CDH2: variants seen among roughly 807,000 people sequenced by gnomAD.
CDH2 encodes cadherin-2.
Under a neutral mutation model 92.0 loss-of-function variants are expected in CDH2, and 17 were observed. The ratio of observed to expected loss-of-function variants is 0.18; its 90% CI spans 0.13 to 0.28. CDH2 has a LOEUF of 0.28. Among genes scored for constraint, CDH2 ranks in the 10% least tolerant of loss-of-function variants. CDH2 has a pLI of 1.00. For synonymous variants in CDH2, 419 were observed against 415.9 expected (o/e 1.01, Z -0.09); for missense variants, 862 against 1,133.1 (o/e 0.76, Z 3.44).
chr18:28,114,637 G>T (rs2015465907), intron 2 of CDH2, among the ~76,000 whole-genome samples: 1 of 152,070 alleles, frequency 6.6e-6, no homozygotes, highest in Non-Finnish European at 1.5e-5. Flanking sequence ...GTCAAAGGTG[G>T]TTTTTAATAA....
chr18:27,985,358 A>G (rs966860386), intron 12 of CDH2, 125 bp from the exon 13 acceptor site: 1 of 769,714 alleles, frequency 1.3e-6, no homozygotes, highest in Non-Finnish European at 2.1e-6. Context: ...ACTATGCTGC[A>G]TTCTAAATAC....
intron 2 of CDH2, among the ~76,000 whole-genome samples, chr18:28,098,293 G>GA (rs1473326675): frequency 6.6e-6 from 1 of 151,892 alleles, no homozygotes; most frequent in Non-Finnish European, 1.5e-5. Context: ...CTCAATTTTT[G>GA]AAAAAATAAA....
intron 2 of CDH2, among the ~76,000 whole-genome samples, chr18:28,091,289 G>T (rs2847365): frequency 0.021 from 3,200 of 152,174 alleles, 47 homozygotes; most frequent in Middle Eastern, 0.065. Context: ...TCCCCCCTCT[G>T]TTCTTAAATT....
chr18:28,004,869 C>A (rs1261264682), intron 6 of CDH2, among the ~76,000 whole-genome samples: 1 of 152,150 alleles, frequency 6.6e-6, no homozygotes, highest in African/African-American at 2.4e-5. Context: ...TCTGAAGAGG[C>A]AGAGATATGC....
chr18:28,065,818 A>T (rs17446218), intron 2 of CDH2, among the ~76,000 whole-genome samples: 3,675 of 152,292 alleles, frequency 0.024, 64 homozygotes, highest in East Asian at 0.054. Flanking sequence ...TCCCTTAGGT[A>T]TGAGGTGATA....
intron 2 of CDH2, among the ~76,000 whole-genome samples, chr18:28,034,981 G>A (rs966377330): frequency 5.9e-5 from 9 of 151,976 alleles, no homozygotes; most frequent in East Asian, 3.9e-4. Context: ...CAAAACAGGT[G>A]TAACTCTGGA....
chr18:28,008,440 C>A (rs2013003554), intron 5 of CDH2, among the ~76,000 whole-genome samples: 1 of 152,124 alleles, frequency 6.6e-6, no homozygotes, highest in South Asian at 2.1e-4. Context: ...GTGCATAAGA[C>A]ATTTTAAATT....
chr18:27,998,555 C>T (rs117011688), intron 7 of CDH2, among the ~76,000 whole-genome samples: 2,275 of 152,164 alleles, frequency 0.015, 24 homozygotes, highest in Middle Eastern at 0.027. Context: ...ACAGGTCAAG[C>T]GGGGGAAGCA....
At chr18:28,165,307 G>A (rs2016361827) in intron 1 of CDH2, among the ~76,000 whole-genome samples, 2 of 152,142 alleles carry the variant, frequency 1.3e-5, no homozygotes, top group African/African-American at 2.4e-5. Flanking sequence ...CTCAGCCTCT[G>A]GAATAGCTGG....
intron 2 of CDH2, among the ~76,000 whole-genome samples, chr18:28,042,942 T>G (rs1401284457): frequency 2.0e-5 from 3 of 152,210 alleles, no homozygotes; most frequent in Non-Finnish European, 4.4e-5. Flanking sequence ...TAATAAAAAC[T>G]ATTTGCAAAT....
chr18:28,017,129 C>T (rs2013271863), intron 2 of CDH2, among the ~76,000 whole-genome samples: 1 of 152,098 alleles, frequency 6.6e-6, no homozygotes, highest in South Asian at 2.1e-4. Context: ...ACCGGCTTCA[C>T]AGAATGATTT....
intron 2 of CDH2, among the ~76,000 whole-genome samples, chr18:28,093,969 C>T (rs2015081476): frequency 6.6e-6 from 1 of 152,162 alleles, no homozygotes; most frequent in African/African-American, 2.4e-5. Flanking sequence ...TTCGACTGGA[C>T]ACGTCCCATA....
chr18:27,945,321 AGATTT>A, intron 6 of CDH2, among the ~76,000 whole-genome samples: 1 of 105,050 alleles, frequency 9.5e-6, no homozygotes, highest in African/African-American at 4.1e-5. Context: ...CCAGGAAGGA[AGATTT>A]TTTTTTTTTT....
intron 2 of CDH2, among the ~76,000 whole-genome samples, chr18:28,061,957 T>C (rs2014411929): frequency 6.6e-6 from 1 of 152,108 alleles, no homozygotes; most frequent in South Asian, 2.1e-4. Flanking sequence ...CAATTCAAGA[T>C]GAGATTTGGG....
intron 2 of CDH2, among the ~76,000 whole-genome samples, chr18:28,098,188 G>A (rs961932817): frequency 6.6e-6 from 1 of 152,128 alleles, no homozygotes; most frequent in Non-Finnish European, 1.5e-5. Flanking sequence ...ATGCTGTATT[G>A]CTACACAGAT....
At chr18:27,989,484 T>A (rs1366634130) in intron 10 of CDH2, among the ~76,000 whole-genome samples, 2 of 152,158 alleles carry the variant, frequency 1.3e-5, no homozygotes, top group Non-Finnish European at 2.9e-5. Flanking sequence ...GCAGCAGTTC[T>A]GTAAGAAGTT....
At chr18:28,153,319 G>A (rs1454949967) in intron 1 of CDH2, among the ~76,000 whole-genome samples, 1 of 152,096 alleles carries the variant, frequency 6.6e-6, no homozygotes, top group Non-Finnish European at 1.5e-5. Flanking sequence ...TATCTTTGCT[G>A]CTGATTTTGG....
chr18:27,995,013 A>G (rs2012535372), intron 7 of CDH2, among the ~76,000 whole-genome samples: 1 of 152,146 alleles, frequency 6.6e-6, no homozygotes, highest in Admixed American at 6.6e-5. Context: ...CCTCACTATA[A>G]TGTTAACATA....
At chr18:28,163,326 T>C (rs2016333345) in intron 1 of CDH2, among the ~76,000 whole-genome samples, 1 of 152,238 alleles carries the variant, frequency 6.6e-6, no homozygotes, top group Non-Finnish European at 1.5e-5. Context: ...GATGAAAACA[T>C]GCATACCTTG....
Sources: gnomAD v4.1 joint callset for allele counts (sites outside exome capture counted in the v4.1 genomes callset) on GRCh38, gnomAD v4.1.1 for gene constraint, MANE v1.5 for transcripts, NCBI Gene and HGNC (gene_info 2026-07-23, HGNC 2026-07-21) for gene names.